Variants in SLC25A21 observed in about 807,000 individuals in gnomAD.
SLC25A21 encodes solute carrier family 25 member 21, also known as mitochondrial 2-oxodicarboxylate carrier.
SLC25A21 carries 47 observed loss-of-function variants against 43.8 expected under a neutral mutation model. The ratio of observed to expected loss-of-function variants is 1.07; its 90% CI spans 0.85 to 1.37. SLC25A21 has a LOEUF of 1.37. Among genes scored for constraint, SLC25A21 ranks in the 40% most tolerant of loss-of-function variants. The pLI, the probability that SLC25A21 is intolerant of heterozygous loss-of-function variation, is 0.00. For missense variants in SLC25A21, 352 were observed against 350.2 expected, an observed-to-expected ratio of 1.00 and a Z score of -0.04; for synonymous variants, 131 against 121.3, an observed-to-expected ratio of 1.08 and a Z score of -0.52.
At position 37,156,635 on chromosome 14, in the gene SLC25A21, T is replaced by C. The variant is rs534736133; in HGVS notation, c.70+15646A>G. On this transcript the variant is annotated intron_variant, in intron 1 of 9. Transcript: ENST00000331299. ...AAGTGAGCAGGAGTAGCTACAATTA[T>C]ATCAGCTAAAACAGGCTTTAAGTCA... Among the ~76,000 whole-genome samples, 7 of 152,004 alleles carry C rather than the reference T, an allele frequency of 4.6e-5. 1 individual carries two copies. Among genetic ancestry groups the C allele is most frequent in the Admixed American group, 3.9e-4 (6 of 15,296 alleles).
Position 36,738,405 on chromosome 14 carries a change from A to T in SLC25A21, c.204-3832T>A, listed in dbSNP as rs376243100. 1.3e-4 allele frequency among the ~76,000 whole-genome samples: 20 copies of T among 152,254 alleles called. No individual in the cohort carries two copies. In the East Asian group the frequency reaches 1.5e-3, roughly 12 times the overall value. On this transcript the variant is annotated intron_variant, in intron 3 of 9. Transcript: ENST00000331299. ...GGTTTTGGCTTGCTGTGCAGAGCCT[A>T]CAGCTTACCAGGACCATAATCCAGG...
At chr14:36,774,774 C>T (rs1380718346) in intron 3 of SLC25A21, among the ~76,000 whole-genome samples, 2 of 152,064 alleles carry the variant, frequency 1.3e-5, no homozygotes, top group Non-Finnish European at 2.9e-5. Flanking sequence ...CTATGTTGCT[C>T]AGGCTGTAGA....
chr14:36,820,006 C>T (rs1015161910), intron 2 of SLC25A21, among the ~76,000 whole-genome samples: 3 of 152,124 alleles, frequency 2.0e-5, no homozygotes, highest in Admixed American at 6.6e-5. Flanking sequence ...GCATAGCACA[C>T]GACTCTGCTT....
At chr14:36,979,025 C>T (rs1443849292) in intron 1 of SLC25A21, among the ~76,000 whole-genome samples, 2 of 152,106 alleles carry the variant, frequency 1.3e-5, no homozygotes, top group African/African-American at 4.8e-5. Flanking sequence ...AAGGTTGAGG[C>T]TGCAGTGAGC....
chr14:36,961,023 G>A (rs1256062774), intron 1 of SLC25A21, among the ~76,000 whole-genome samples: 1 of 152,148 alleles, frequency 6.6e-6, no homozygotes, highest in East Asian at 1.9e-4. Context: ...CTGTTACGAT[G>A]AGTGAGGAGG....
intron 1 of SLC25A21, among the ~76,000 whole-genome samples, chr14:37,119,489 G>A (rs992503536): frequency 6.6e-6 from 1 of 152,082 alleles, no homozygotes; most frequent in Non-Finnish European, 1.5e-5. Context: ...CCTGGGAGAT[G>A]GAGGTTGCAG....
chr14:37,005,076 CG>C (rs1960570623), intron 1 of SLC25A21, among the ~76,000 whole-genome samples: 1 of 151,818 alleles, frequency 6.6e-6, no homozygotes, highest in Non-Finnish European at 1.5e-5. Flanking sequence ...CTGTACTCAC[CG>C]GAATAATCGA....
chr14:36,945,918 A>G (rs754944821), intron 1 of SLC25A21, among the ~76,000 whole-genome samples: 1 of 152,036 alleles, frequency 6.6e-6, no homozygotes, highest in Non-Finnish European at 1.5e-5. Flanking sequence ...TTATTTAATG[A>G]AGAAAAAAGG....
chr14:36,922,723 T>G (rs1318850009), intron 1 of SLC25A21, among the ~76,000 whole-genome samples: 3 of 152,024 alleles, frequency 2.0e-5, no homozygotes, highest in African/African-American at 2.4e-5. Flanking sequence ...ACATTCAGTA[T>G]AGACTCCAGA....
intron 3 of SLC25A21, among the ~76,000 whole-genome samples, chr14:36,750,619 T>C (rs1432608820): frequency 1.3e-5 from 2 of 152,176 alleles, no homozygotes; most frequent in African/African-American, 4.8e-5. Context: ...TTGGGCCTTA[T>C]TTCCAGAGAT....
chr14:36,882,437 C>T (rs1046739752), intron 1 of SLC25A21, among the ~76,000 whole-genome samples: 12 of 152,240 alleles, frequency 7.9e-5, no homozygotes, highest in African/African-American at 2.6e-4. Context: ...ACACTGCTCC[C>T]CGATTCCCCA....
chr14:37,144,997 A>G (rs1963638319), intron 1 of SLC25A21, among the ~76,000 whole-genome samples: 1 of 151,996 alleles, frequency 6.6e-6, no homozygotes, highest in African/African-American at 2.4e-5. Context: ...AACTACTCAT[A>G]TGTTTTCCCT....
intron 1 of SLC25A21, among the ~76,000 whole-genome samples, chr14:37,061,471 G>A (rs1453265149): frequency 6.6e-6 from 1 of 151,362 alleles, no homozygotes; most frequent in African/African-American, 2.5e-5. Context: ...TGATTTATTT[G>A]TAATTCCCTG....
At chr14:36,813,542 G>C (rs1888346641) in intron 3 of SLC25A21, among the ~76,000 whole-genome samples, 1 of 151,984 alleles carries the variant, frequency 6.6e-6, no homozygotes, top group South Asian at 2.1e-4. Context: ...ATCAATTTTT[G>C]ATACAGATCT....
chr14:37,036,142 C>A (rs1406067087), intron 1 of SLC25A21, among the ~76,000 whole-genome samples: 1 of 152,168 alleles, frequency 6.6e-6, no homozygotes, highest in Non-Finnish European at 1.5e-5. Flanking sequence ...AATGATAACA[C>A]TAAATACAAA....
chr14:36,679,636 A>ATATT lies in SLC25A21; in HGVS notation c.*1018_*1021dup. 1.0e-6 allele frequency: 1 copy of ATATT among 985,442 alleles called. No homozygotes were observed. The highest frequency in any genetic ancestry group is 1.2e-6 in the Non-Finnish European group (1 of 829,914). The allele number at this position is 985,442 out of a possible 1,614,324, so 61.0% of individuals were successfully genotyped here. A position where few individuals can be genotyped will look rare whatever the true frequency, so the allele number is the denominator to read the frequency against. On this transcript the variant is annotated 3_prime_UTR_variant, in exon 10 of 10. Coordinates refer to ENST00000331299, the MANE Select transcript of SLC25A21 (RefSeq NM_030631.4). Reference sequence around the variant, plus strand: ...TCAGAACATTTCCCCTTCATCATACATATTTTAATACTGCAGACAGCTGAC... The same window carrying ATATT: ...TCAGAACATTTCCCCTTCATCATACATATTTATTTTAATACTGCAGACAGCTGAC...
intron 1 of SLC25A21, among the ~76,000 whole-genome samples, chr14:36,991,308 G>A (rs1489202645): frequency 6.6e-6 from 1 of 152,158 alleles, no homozygotes; most frequent in African/African-American, 2.4e-5. Context: ...GCCCACCTTG[G>A]TTTTGATTCC....
intron 1 of SLC25A21, among the ~76,000 whole-genome samples, chr14:37,161,225 G>C (rs971026614): frequency 1.3e-5 from 2 of 152,066 alleles, no homozygotes; most frequent in Non-Finnish European, 2.9e-5. Context: ...ATCAATCACA[G>C]AGACAACTTT....
chr14:36,860,577 C>T (rs182976931), intron 2 of SLC25A21, among the ~76,000 whole-genome samples: 252 of 152,252 alleles, frequency 1.7e-3, no homozygotes, highest in Middle Eastern at 0.014. Flanking sequence ...ACAGCCTGTC[C>T]GCAAAGGAAT....
Sources: allele counts gnomAD v4.1 joint callset (sites outside exome capture counted in the v4.1 genomes callset), GRCh38; gene constraint gnomAD v4.1.1; transcripts MANE v1.5; gene names NCBI Gene and HGNC (gene_info 2026-07-23, HGNC 2026-07-21).